TMC5: variants seen among roughly 807,000 people sequenced by gnomAD.
TMC5 encodes the protein transmembrane channel-like protein 5.
A neutral mutation model predicts 110.5 loss-of-function variants in TMC5; 86 were observed. That is an observed-to-expected ratio of 0.78 (90% CI 0.65 to 0.93). The LOEUF (loss-of-function observed/expected upper bound fraction) is 0.93, where lower values mean the gene tolerates loss of function less well. TMC5 is among the 40% of genes least tolerant of loss of function. The pLI, the probability that TMC5 is intolerant of heterozygous loss-of-function variation, is 0.00. For synonymous variants in TMC5, 455 were observed against 439.5 expected (o/e 1.04, Z -0.44); for missense variants, 1,144 against 1,222.8 (o/e 0.94, Z 0.96).
chr16:19,425,637 C>T (rs545025173), intron 1 of TMC5, among the ~76,000 whole-genome samples: 19 of 152,218 alleles, frequency 1.2e-4, no homozygotes, highest in Admixed American at 1.2e-3. Context: ...ATCATTTCTC[C>T]CTTTCTCTCA....
At chr16:19,492,943 A>ATATATATATATATATATAT (rs61334845) in intron 19 of TMC5, among the ~76,000 whole-genome samples, 2,329 of 91,018 alleles carry the variant, frequency 0.026, 459 homozygotes, top group Non-Finnish European at 0.037. Context: ...TCTCTCTATA[A>ATATATATATATATATATAT]GATAAATACT....
At chr16:19,473,238 C>T (rs71384413) in intron 11 of TMC5, among the ~76,000 whole-genome samples, 4 of 149,216 alleles carry the variant, frequency 2.7e-5, no homozygotes, top group Admixed American at 1.4e-4. Flanking sequence ...CCCAGCTACT[C>T]GGGAGGCTAA....
intron 12 of TMC5, among the ~76,000 whole-genome samples, chr16:19,476,141 A>C (rs1567320740): frequency 2.6e-5 from 4 of 152,124 alleles, no homozygotes; most frequent in Admixed American, 1.3e-4. Context: ...TGAGCCCAGG[A>C]GTTCAAGACC....
chr16:19,488,344 G>A (rs1968804002), intron 17 of TMC5, among the ~76,000 whole-genome samples: 1 of 152,108 alleles, frequency 6.6e-6, no homozygotes, highest in Non-Finnish European at 1.5e-5. Context: ...CGATGCCCAC[G>A]GTCAGGAGTA....
chr16:19,418,365 G>A (rs1178254193), intron 1 of TMC5, among the ~76,000 whole-genome samples: 11 of 152,136 alleles, frequency 7.2e-5, no homozygotes, highest in Non-Finnish European at 1.0e-4. Context: ...GGGATTCTGG[G>A]TCAGTTATTG....
At chr16:19,417,418 CAAAA>C (rs34861075), upstream of TMC5, among the ~76,000 whole-genome samples, 7 of 85,298 alleles carry the variant, frequency 8.2e-5, no homozygotes, top group Non-Finnish European at 1.1e-4. Flanking sequence ...AACGCTGTCT[CAAAA>C]AAAAAAAAAA....
chr16:19,439,868 G>A (rs727187), intron 2 of TMC5, 92 bp from the exon 3 acceptor site: 127,355 of 606,582 alleles, frequency 0.21, 14,392 homozygotes, highest in African/African-American at 0.36. Context: ...GACTACGAAC[G>A]AAAGGAGAAC....
chr16:19,454,429 C>T (rs542081254), intron 5 of TMC5, among the ~76,000 whole-genome samples: 3 of 152,326 alleles, frequency 2.0e-5, no homozygotes, highest in Non-Finnish European at 4.4e-5. Flanking sequence ...GGGTTCAGAG[C>T]AATCCGGATT....
intron 9 of TMC5, among the ~76,000 whole-genome samples, chr16:19,469,275 A>T (rs1214571671): frequency 6.7e-6 from 1 of 149,116 alleles, no homozygotes; most frequent in Non-Finnish European, 1.5e-5. Context: ...AATCGCTTGA[A>T]CCTTGGAGGT....
chr16:19,455,254 C>G (rs949648127), intron 5 of TMC5, among the ~76,000 whole-genome samples: 1 of 151,850 alleles, frequency 6.6e-6, no homozygotes, highest in Non-Finnish European at 1.5e-5. Context: ...TCAAGGCCAG[C>G]CTGGCCAACA....
intron 1 of TMC5, among the ~76,000 whole-genome samples, chr16:19,412,274 G>A (rs1251925311): frequency 4.0e-5 from 6 of 150,932 alleles, no homozygotes; most frequent in Admixed American, 4.0e-4. Flanking sequence ...GTCTCACTAT[G>A]TTGCCCAGTC....
At chr16:19,481,981 A>G (rs1203441683) in intron 15 of TMC5, among the ~76,000 whole-genome samples, 1 of 152,212 alleles carries the variant, frequency 6.6e-6, no homozygotes, top group Non-Finnish European at 1.5e-5. Flanking sequence ...GGGCCTCACC[A>G]GACACTGAAT....
At chr16:19,475,290 C>T (rs144937161) in intron 12 of TMC5, among the ~76,000 whole-genome samples, 26 of 152,128 alleles carry the variant, frequency 1.7e-4, no homozygotes, top group African/African-American at 4.3e-4. Context: ...GGCTTGGTGA[C>T]GCATGTCTGT....
At position 19,472,146 on chromosome 16, in the gene TMC5, C is replaced by T. The variant is rs1413926393; in HGVS notation, c.1841C>T (p.Thr614Ile). 1 of 1,614,236 alleles carries T rather than the reference C, an allele frequency of 6.2e-7. No individual in the cohort carries two copies. The highest frequency in any genetic ancestry group is 8.5e-7 in the Non-Finnish European group (1 of 1,180,046). The change falls in exon 11 of 22, where the codon ACC becomes ATC. Residue 614 changes from threonine to isoleucine, a missense_variant. Transcript: ENST00000542583. The stretch of plus-strand genomic sequence containing the variant: ...AAGTTGACGTTCAATCAGCTGCTGA[C>T]CCGCTTCTCTGCCTACATGGTAGCC... ...NSKLTFNQLLTRFSAYMVAWV... is the reference protein window; with the variant it reads ...NSKLTFNQLLIRFSAYMVAWV...
upstream of TMC5, among the ~76,000 whole-genome samples, chr16:19,414,671 C>A (rs1441562170): frequency 1.3e-5 from 2 of 152,198 alleles, no homozygotes; most frequent in Non-Finnish European, 2.9e-5. Flanking sequence ...CCTTGGGAGG[C>A]TGAGGCGGGA....
In TMC5 at chr16:19,440,107, G is replaced by C; in HGVS notation, c.69G>C (p.Gln23His). 6.2e-7 allele frequency: 1 copy of C among 1,614,098 alleles called. No individual in the cohort carries two copies. The highest frequency in any genetic ancestry group is 2.2e-5 in the East Asian group (1 of 44,866). ...ATTACCCTGACTATTCAGGGTCTCA[G>C]AACCGTACGCAGGGGTATTTGAAAA... The part of the protein sequence containing the change: ...DPDYPDYSGS[Q>H]NRTQGYLKTQ... The change falls in exon 3 of 22, where the codon CAG becomes CAC. Residue 23 changes from glutamine to histidine, a missense_variant. Physicochemically the swap from Gln to His is conservative, Grantham distance 24 (BLOSUM62 0). Coordinates refer to ENST00000542583, the MANE Select transcript of TMC5 (RefSeq NM_001261841.2).
At chr16:19,422,934 C>T (rs1022349383) in intron 1 of TMC5, among the ~76,000 whole-genome samples, 10 of 152,126 alleles carry the variant, frequency 6.6e-5, no homozygotes, top group African/African-American at 1.9e-4. Context: ...GGCCACAGAG[C>T]GAGACTCAGT....
At position 19,472,142 on chromosome 16, in the gene TMC5, CT is replaced by C; in HGVS notation, c.1838del (p.Leu613ArgfsTer9). ...ENSKLTFNQL[L>X]TRFSAYMVAW... ...TTCCAAGTTGACGTTCAATCAGCTGCTGACCCGCTTCTCTGCCTACATGGTA... is the reference window on the plus strand; with the variant it reads ...TTCCAAGTTGACGTTCAATCAGCTGCGACCCGCTTCTCTGCCTACATGGTA... On this transcript the variant is annotated frameshift_variant, in exon 11 of 22. Transcript: ENST00000542583. LOFTEE classifies it high-confidence loss of function. 1 of 1,614,180 alleles carries C rather than the reference CT, an allele frequency of 6.2e-7. No individual in the cohort carries two copies. The highest frequency in any genetic ancestry group is 1.3e-5 in the African/African-American group (1 of 75,050).
At position 19,490,421 on chromosome 16, in the gene TMC5, C is replaced by G. The variant is rs754619938; in HGVS notation, c.2600C>G (p.Pro867Arg). 6.2e-7 allele frequency: 1 copy of G among 1,614,164 alleles called. No homozygotes were observed. The highest frequency in any genetic ancestry group is 2.2e-5 in the East Asian group (1 of 44,880). Residue 867 changes from proline to arginine, a missense_variant, in exon 18 of 22, where the codon CCT (proline) becomes CGT (arginine). Transcript: ENST00000542583. ...WRLKPSADCG[P>R]FRGLPLFIHS... ...TTGAAGCCTTCAGCTGACTGTGGCCCTTTTCGAGGTCTGCCTCTCTTCATT... is the reference window on the plus strand; with the variant it reads ...TTGAAGCCTTCAGCTGACTGTGGCCGTTTTCGAGGTCTGCCTCTCTTCATT...
Sources: gnomAD v4.1 joint callset for allele counts (sites outside exome capture counted in the v4.1 genomes callset) on GRCh38, gnomAD v4.1.1 for gene constraint, MANE v1.5 for transcripts, NCBI Gene and HGNC (gene_info 2026-07-23, HGNC 2026-07-21) for gene names.